TRNAU1AP: variants seen among roughly 807,000 people sequenced by gnomAD.
The protein encoded by TRNAU1AP is tRNA selenocysteine 1-associated protein 1.
A neutral mutation model predicts 43.3 loss-of-function variants in TRNAU1AP; 33 were observed. The observed-to-expected ratio is 0.76, with a 90% CI of 0.58 to 1.02. The LOEUF (loss-of-function observed/expected upper bound fraction) is 1.02. TRNAU1AP is among the 50% of genes least tolerant of loss of function. The pLI, the probability that TRNAU1AP is intolerant of heterozygous loss-of-function variation, is 0.00. For missense variants in TRNAU1AP, 290 were observed against 362.7 expected (o/e 0.80, Z 1.63); for synonymous variants, 143 against 129.1 (o/e 1.11, Z -0.73).
chr1:28,566,776 A>G (rs1411445616), intron 5 of TRNAU1AP, among the ~76,000 whole-genome samples: 1 of 146,432 alleles, frequency 6.8e-6, no homozygotes, highest in African/African-American at 2.7e-5. Context: ...AAAAAAAAAA[A>G]GAGAGAGAAA....
chr1:28,561,863 G>C (rs556025478), intron 4 of TRNAU1AP, among the ~76,000 whole-genome samples: 2 of 152,266 alleles, frequency 1.3e-5, no homozygotes, highest in South Asian at 2.1e-4. Flanking sequence ...ACGAGGTCAG[G>C]AGATCGAGAC....
At chr1:28,561,255 G>A (rs1357573921) in intron 3 of TRNAU1AP, 91 bp from the exon 4 acceptor site, 6 of 1,558,096 alleles carry the variant, frequency 3.9e-6, no homozygotes, top group South Asian at 1.2e-5. Context: ...AGATGTTTTG[G>A]CCAAGGTAAT....
chr1:28,564,688 G>T lies in TRNAU1AP; in HGVS notation c.279-15G>T. 6.2e-7 allele frequency: 1 copy of T among 1,606,514 alleles called. No homozygotes were observed. Among genetic ancestry groups the T allele is most frequent in the Non-Finnish European group, 8.5e-7 (1 of 1,176,826 alleles). On this transcript the variant is annotated splice_polypyrimidine_tract_variant and intron_variant, in intron 4 of 8. Transcript: ENST00000373830. ...TTGGTCTTTGCCTCTGAATCTTCTT[G>T]TTCTCTCTCCTCAGCCCTGAGTATT...
chr1:28,563,404 T>C (rs1018019445), intron 4 of TRNAU1AP, among the ~76,000 whole-genome samples: 3 of 151,616 alleles, frequency 2.0e-5, no homozygotes, highest in Non-Finnish European at 2.9e-5. Flanking sequence ...AAAAATTGGC[T>C]GGGCGTGGTG....
intron 5 of TRNAU1AP, among the ~76,000 whole-genome samples, chr1:28,566,478 C>T (rs1665540975): frequency 1.3e-5 from 2 of 151,132 alleles, no homozygotes; most frequent in South Asian, 2.1e-4. Flanking sequence ...ACAGGCCAGG[C>T]GTGGTGGCTC....
chr1:28,577,353 C>A, intron 8 of TRNAU1AP, 147 bp from the exon 9 acceptor site: 1 of 799,354 alleles, frequency 1.3e-6, no homozygotes, highest in Non-Finnish European at 2.0e-6. Flanking sequence ...TTCCCCAGAA[C>A]CCTGCAAGGC....
chr1:28,563,558 C>T (rs1375615922), intron 4 of TRNAU1AP, among the ~76,000 whole-genome samples: 4 of 152,140 alleles, frequency 2.6e-5, no homozygotes, highest in Admixed American at 1.3e-4. Flanking sequence ...GTGGCGGGCA[C>T]CTGTAATCCC....
intron 1 of TRNAU1AP, 42 bp from the exon 2 acceptor site, chr1:28,553,598 C>T: frequency 1.3e-6 from 2 of 1,597,656 alleles, no homozygotes; most frequent in Non-Finnish European, 1.7e-6. Flanking sequence ...AGTGGGAAGC[C>T]CGGCCGCCGG....
At position 28,564,813 on chromosome 1, in the gene TRNAU1AP, T is replaced by C. The variant is rs1217691799; in HGVS notation, c.389T>C (p.Leu130Ser). The C allele has an allele frequency of 1.3e-5, 21 of 1,614,016 alleles. No individual in the cohort carries two copies. Among genetic ancestry groups the C allele is most frequent in the Non-Finnish European group, 1.7e-5 (20 of 1,180,038 alleles). Residue 130 changes from leucine to serine, a missense_variant, in exon 5 of 9, where the codon TTG becomes TCG. Leu to Ser is a moderately radical substitution (Grantham distance 145). Coordinates refer to ENST00000373830, the MANE Select transcript of TRNAU1AP (RefSeq NM_017846.5). ...TCCTGTCGGGGAGGCAAGGTGGTTT[T>C]GGACCAGACAGGCGTGTCTAAGTAA... ...YPSCRGGKVV[L>S]DQTGVSKGYG...
rs1406111386 is a variant in TRNAU1AP at position 28,560,741 on chromosome 1, A to G, written c.225+9A>G. ...TTCCAGGAGCCACACCTGTAAGGAC[A>G]TTTAGATAATGATGATGTTGCCATT... On this transcript the variant is annotated intron_variant, in intron 3 of 8. Coordinates refer to ENST00000373830, the MANE Select transcript of TRNAU1AP (RefSeq NM_017846.5). 1.9e-6 allele frequency: 3 copies of G among 1,594,174 alleles called. No homozygotes were observed. The highest frequency in any genetic ancestry group is 3.3e-5 in the Admixed American group (2 of 59,750).
chr1:28,567,172 C>T, intron 5 of TRNAU1AP, 122 bp from the exon 6 acceptor site: 1 of 1,054,446 alleles, frequency 9.5e-7, no homozygotes, highest in Non-Finnish European at 1.4e-6. Context: ...CTCTCTTTCT[C>T]TTCTCAGCCT....
At position 28,571,425 on chromosome 1, in the gene TRNAU1AP, CA is replaced by C. The variant is rs140163139; in HGVS notation, c.693+88del. 124 of 1,407,306 alleles carry C rather than the reference CA, an allele frequency of 8.8e-5. 1 individual carries two copies. The African/African-American group carries it at 1.6e-3, about 18-fold the overall frequency. 87.2% of individuals were successfully genotyped at this position (1,407,306 alleles called of 1,614,324 possible). On this transcript the variant is annotated intron_variant, in intron 7 of 8. Transcript: ENST00000373830. ...TTCTCTAGGATGGGATTGGTAAGGACAGGGGCTTGGGCTTCAGAAAAAATAG... is the reference window on the plus strand; with the variant it reads ...TTCTCTAGGATGGGATTGGTAAGGACGGGGCTTGGGCTTCAGAAAAAATAG...
chr1:28,554,842 CAAA>C (rs1226365120), intron 2 of TRNAU1AP, among the ~76,000 whole-genome samples: 1 of 93,730 alleles, frequency 1.1e-5, no homozygotes. Context: ...GACTCTGTCT[CAAA>C]AAAAAAAAAA....
In TRNAU1AP at chr1:28,567,293, G is replaced by A. The variant is rs1261100356; in HGVS notation, c.411-1G>A. On this transcript the variant is annotated splice_acceptor_variant, in intron 5 of 8. Coordinates refer to ENST00000373830, the MANE Select transcript of TRNAU1AP (RefSeq NM_017846.5). LOFTEE classifies it high-confidence loss of function. ...CTAAATTGTATATTTTTTTCATGCA[G>A]GGGTTATGGTTTTGTGAAATTCACA... is the stretch of plus-strand genomic sequence containing the variant. The A allele has an allele frequency of 1.2e-6, 2 of 1,609,516 alleles. No individual in the cohort carries two copies. The highest frequency in any genetic ancestry group is 1.7e-6 in the Non-Finnish European group (2 of 1,178,930).
Position 28,564,760 on chromosome 1 carries a change from G to C in TRNAU1AP, c.336G>C (p.Leu112=), listed in dbSNP as rs746726828. 4 of 1,614,198 alleles carry C rather than the reference G, an allele frequency of 2.5e-6. No individual in the cohort carries two copies. Among genetic ancestry groups the C allele is most frequent in the Non-Finnish European group, 3.4e-6 (4 of 1,180,038 alleles). The part of the protein sequence containing the change: ...DLTPDVDDGM[L]YEFFVKVYPS... ...CCCCGGACGTGGATGATGGCATGCT[G>C]TATGAATTCTTCGTCAAAGTCTACC... The change falls in exon 5 of 9, where the codon CTG becomes CTC. Residue 112 remains leucine, a synonymous_variant. Coordinates refer to ENST00000373830, the MANE Select transcript of TRNAU1AP (RefSeq NM_017846.5).
At position 28,577,558 on chromosome 1, in the gene TRNAU1AP, G is replaced by A. The variant is rs761082696; in HGVS notation, c.786G>A (p.Glu262=). The stretch of plus-strand genomic sequence containing the variant: ...ACAAGGAGTTCATGGAACAGAGTGA[G>A]GAGCTGTATGACGCTCTGATGGACT... ...EANKEFMEQS[E]ELYDALMDCH... The change falls in exon 9 of 9, where the codon GAG becomes GAA. Residue 262 remains glutamate (E), a synonymous_variant. Transcript: ENST00000373830. 7 of 1,614,144 alleles carry A rather than the reference G, an allele frequency of 4.3e-6. No individual in the cohort carries two copies. Among genetic ancestry groups the A allele is most frequent in the Non-Finnish European group, 5.9e-6 (7 of 1,180,018 alleles).
Position 28,571,739 on chromosome 1 carries a change from C to T in TRNAU1AP, c.694-128C>T, listed in dbSNP as rs536745899. ...CGGGTGTTGCAGTGAGCCGAGATCACGCCACTACACTCTAGTCTGGGTGAC... is the reference window on the plus strand; with the variant it reads ...CGGGTGTTGCAGTGAGCCGAGATCATGCCACTACACTCTAGTCTGGGTGAC... On this transcript the variant is annotated intron_variant, in intron 7 of 8. Coordinates refer to ENST00000373830, the MANE Select transcript of TRNAU1AP (RefSeq NM_017846.5). 1.9e-4 allele frequency: 135 copies of T among 699,552 alleles called. 2 individuals are homozygous for T. The East Asian group carries it at 2.9e-3, about 15-fold the overall frequency. The allele number at this position is 699,552 out of a possible 1,614,324, so 43.3% of individuals were successfully genotyped here.
At chr1:28,566,292 G>A (rs1665535555) in intron 5 of TRNAU1AP, among the ~76,000 whole-genome samples, 1 of 147,464 alleles carries the variant, frequency 6.8e-6, no homozygotes. Context: ...TCCAGCCTGG[G>A]AGACACAGCG....
At chr1:28,576,143 G>GC (rs1665774317) in intron 8 of TRNAU1AP, among the ~76,000 whole-genome samples, 1 of 148,190 alleles carries the variant, frequency 6.7e-6, no homozygotes, top group African/African-American at 2.5e-5. Context: ...ACAGGCATGA[G>GC]CCACAGTGCC....
Sources: gnomAD v4.1 joint callset for allele counts (sites outside exome capture counted in the v4.1 genomes callset) on GRCh38, gnomAD v4.1.1 for gene constraint, MANE v1.5 for transcripts, NCBI Gene and HGNC (gene_info 2026-07-23, HGNC 2026-07-21) for gene names.